The following L3MBTL1 variants were observed in gnomAD, a reference collection of about 807,000 sequenced individuals.
L3MBTL1 encodes L3MBTL histone methyl-lysine binding protein 1.
A neutral mutation model predicts 105.3 loss-of-function variants in L3MBTL1; 75 were observed. That is an observed-to-expected ratio of 0.71 (90% CI 0.59 to 0.86). The LOEUF is 0.86. L3MBTL1 is among the 40% of genes least tolerant of loss of function. The pLI is 0.00. For missense variants in L3MBTL1, 1,069 were observed against 1,126.4 expected (o/e 0.95, Z 0.73); for synonymous variants, 452 against 436.2 (o/e 1.04, Z -0.45).
At chr20:43,528,434 T>TG (rs1413002612) in intron 7 of L3MBTL1, among the ~76,000 whole-genome samples, 1 of 151,356 alleles carries the variant, frequency 6.6e-6, no homozygotes, top group South Asian at 2.1e-4. Context: ...CCTGAGCGGG[T>TG]GGGGGGGAAG....
chr20:43,540,701 C>G (rs1600965322), intron 20 of L3MBTL1, 52 bp from the exon 21 acceptor site: 1 of 1,573,480 alleles, frequency 6.4e-7, no homozygotes, highest in East Asian at 2.2e-5. Flanking sequence ...CCAGCTCTCC[C>G]TACATGCCTA....
Position 43,515,638 on chromosome 20 carries a change from G to A in L3MBTL1, c.777+223G>A. 6.9e-6 allele frequency: 4 copies of A among 575,560 alleles called. No individual in the cohort carries two copies. In the South Asian group the frequency reaches 8.9e-5, roughly 13 times the overall value. 35.7% of individuals were successfully genotyped at this position (575,560 alleles called of 1,614,324 possible). On this transcript the variant is annotated intron_variant, in intron 6 of 21. Coordinates refer to ENST00000418998, the MANE Select transcript of L3MBTL1 (RefSeq NM_001377303.1). Reference sequence around the variant, plus strand: ...TTTCCAGAGCTCCCATCTCAGTTTAGTGTCAAGGTTAAGACATAGTCAGGT... The same window carrying A: ...TTTCCAGAGCTCCCATCTCAGTTTAATGTCAAGGTTAAGACATAGTCAGGT...
At chr20:43,529,413 G>A (rs761661289) in intron 9 of L3MBTL1, 45 bp downstream of exon 9, 1 of 1,312,338 alleles carries the variant, frequency 7.6e-7, no homozygotes, top group Admixed American at 1.8e-5. Flanking sequence ...GTCTCTCAGT[G>A]CAGATTGATG....
chr20:43,517,801 G>C (rs2018478946), intron 7 of L3MBTL1, among the ~76,000 whole-genome samples: 1 of 152,120 alleles, frequency 6.6e-6, no homozygotes, highest in Admixed American at 6.5e-5. Context: ...GATGGATCCA[G>C]TGCCAGCTGG....
In L3MBTL1 at chr20:43,513,538, C is replaced by T; in HGVS notation, c.35C>T (p.Thr12Ile). ...EGHAEMEMLRTLKGPSTGEVS... is the reference protein window; with the variant it reads ...EGHAEMEMLRILKGPSTGEVS... ...CATGCTGAAATGGAGATGCTGAGGA[C>T]ACTGAAGGGGCCTTCCACAGGGGAG... The change falls in exon 2 of 22, where the codon ACA becomes ATA. Residue 12 changes from threonine (T) to isoleucine (I), a missense_variant. Transcript: ENST00000418998. 6.4e-7 allele frequency: 1 copy of T among 1,550,800 alleles called. No homozygotes were observed. The highest frequency in any genetic ancestry group is 8.7e-7 in the Non-Finnish European group (1 of 1,147,032).
intron 6 of L3MBTL1, 76 bp downstream of exon 6, chr20:43,515,491 C>T (rs955952057): frequency 2.0e-6 from 3 of 1,497,070 alleles, no homozygotes; most frequent in Non-Finnish European, 2.7e-6. Context: ...CTCCATCAAT[C>T]CAGATTATGG....
At chr20:43,509,978 C>G (rs112730201) in intron 1 of L3MBTL1, among the ~76,000 whole-genome samples, 5 of 152,290 alleles carry the variant, frequency 3.3e-5, no homozygotes, top group African/African-American at 1.2e-4. Context: ...ATTCTCCTGC[C>G]TCAGCCTCCT....
rs2018192920 is a variant in L3MBTL1 at position 43,513,460 on chromosome 20, T to C, written c.-28-16T>C. 9 of 1,544,896 alleles carry C rather than the reference T, an allele frequency of 5.8e-6. No individual in the cohort carries two copies. The East Asian group carries it at 2.0e-4, about 34-fold the overall frequency. ...GTCCCCACCTGATCACCCTGGGGGC[T>C]ATGTTTGGCTTGTAGGCCTGCCAGG... is the stretch of plus-strand genomic sequence containing the variant. On this transcript the variant is annotated splice_polypyrimidine_tract_variant and intron_variant, in intron 1 of 21. Coordinates refer to ENST00000418998, the MANE Select transcript of L3MBTL1 (RefSeq NM_001377303.1).
chr20:43,530,348 A>G lies in L3MBTL1; in HGVS notation c.1121A>G (p.Asn374Ser), dbSNP rs999050460. ...GYSECHDFWV[N>S]ANSPDIHPAG... ...TCTGAGTGCCATGACTTCTGGGTCA[A>G]TGCCAACTCCCCTGACATTCACCCT... Residue 374 changes from asparagine (N) to serine (S), a missense_variant, in exon 10 of 22, where the codon AAT (asparagine) becomes AGT (serine). By Grantham distance (46) the Asn-to-Ser change is conservative. Coordinates refer to ENST00000418998, the MANE Select transcript of L3MBTL1 (RefSeq NM_001377303.1). 1.5e-5 allele frequency: 24 copies of G among 1,614,008 alleles called. No individual in the cohort carries two copies. Among genetic ancestry groups the G allele is most frequent in the Admixed American group, 3.3e-5 (2 of 60,004 alleles).
At chr20:43,510,986 GT>G (rs1194350811) in intron 1 of L3MBTL1, among the ~76,000 whole-genome samples, 1 of 152,212 alleles carries the variant, frequency 6.6e-6, no homozygotes, top group African/African-American at 2.4e-5. Context: ...AGCCTCCAGA[GT>G]ACTGGGATTA....
chr20:43,513,457 G>A lies in L3MBTL1; in HGVS notation c.-28-19G>A. 2 of 1,543,914 alleles carry A rather than the reference G, an allele frequency of 1.3e-6. No individual in the cohort carries two copies. The highest frequency in any genetic ancestry group is 1.7e-6 in the Non-Finnish European group (2 of 1,143,270). ...AAGGTCCCCACCTGATCACCCTGGG[G>A]GCTATGTTTGGCTTGTAGGCCTGCC... On this transcript the variant is annotated intron_variant, in intron 1 of 21. Transcript: ENST00000418998.
chr20:43,547,941 T>C (rs1978729245), intron 18 of L3MBTL1, among the ~76,000 whole-genome samples: 1 of 151,868 alleles, frequency 6.6e-6, no homozygotes, highest in Non-Finnish European at 1.5e-5. Context: ...TCCCTTCTCC[T>C]TTCTCCCGGT....
rs1034164780 is a variant in L3MBTL1, at chr20:43,529,106, C to G, written c.952-158C>G. 3.0e-5 allele frequency: 19 copies of G among 625,372 alleles called. No homozygotes were observed. In the African/African-American group the frequency reaches 3.3e-4, roughly 11 times the overall value. 38.7% of individuals were successfully genotyped at this position (625,372 alleles called of 1,614,324 possible). ...AAGGGACCTGGGAGATATTCTCTCT[C>G]TCTCTCTCTAGATCCCTGTAGTAAC... On this transcript the variant is annotated intron_variant, in intron 8 of 21. Coordinates refer to ENST00000418998, the MANE Select transcript of L3MBTL1 (RefSeq NM_001377303.1).
At chr20:43,544,864 G>T (rs1014259426), downstream of L3MBTL1, among the ~76,000 whole-genome samples, 6 of 152,250 alleles carry the variant, frequency 3.9e-5, no homozygotes, top group Middle Eastern at 6.8e-3. Context: ...TACTCGGGAG[G>T]CTGTGGCATG....
At chr20:43,523,523 C>A in intron 7 of L3MBTL1, 1 of 269,158 alleles carries the variant, frequency 3.7e-6, no homozygotes, top group South Asian at 5.3e-5. Context: ...GCTGCGTAGC[C>A]AAAACCCAAA....
rs544126354 is a variant in L3MBTL1 at position 43,533,357 on chromosome 20, C to T, written c.1452C>T (p.Ser484=). The change falls in exon 13 of 22, where the codon AGC becomes AGT. Residue 484 remains serine, a synonymous_variant. Transcript: ENST00000418998. The stretch of plus-strand genomic sequence containing the variant: ...TGGATTTCAGGTGTGATCCCAGCAG[C>T]CCCTACATCCACCCAGTGGGCTGGT... ...DTYDYWCDPS[S]PYIHPVGWCQ... The T allele has an allele frequency of 1.2e-6, 2 of 1,613,798 alleles. No homozygotes were observed. Among genetic ancestry groups the T allele is most frequent in the Non-Finnish European group, 8.5e-7 (1 of 1,179,930 alleles).
At chr20:43,537,278 C>T (rs942983389) in intron 19 of L3MBTL1, among the ~76,000 whole-genome samples, 1 of 152,216 alleles carries the variant, frequency 6.6e-6, no homozygotes. Flanking sequence ...TTCCACAGTT[C>T]TGGAGGCCAG....
At chr20:43,518,457 CTTCT>C (rs1432099718) in intron 7 of L3MBTL1, among the ~76,000 whole-genome samples, 1 of 152,124 alleles carries the variant, frequency 6.6e-6, no homozygotes, top group African/African-American at 2.4e-5. Context: ...CCATTCAGGC[CTTCT>C]GTCTCATAGA....
chr20:43,533,468 C>G, intron 13 of L3MBTL1, 50 bp downstream of exon 13: 2 of 1,515,284 alleles, frequency 1.3e-6, no homozygotes, highest in Non-Finnish European at 1.8e-6. Flanking sequence ...GGCTCTGCTT[C>G]CCTCTCCACT....
Sources: allele counts gnomAD v4.1 joint callset (sites outside exome capture counted in the v4.1 genomes callset), GRCh38; gene constraint gnomAD v4.1.1; transcripts MANE v1.5; gene names NCBI Gene and HGNC (gene_info 2026-07-23, HGNC 2026-07-21).